Variants in TMPRSS11D observed in about 807,000 individuals in gnomAD.
TMPRSS11D encodes the protein transmembrane protease serine 11D.
A neutral mutation model predicts 44.4 loss-of-function variants in TMPRSS11D; 32 were observed. The ratio of observed to expected loss-of-function variants is 0.72; its 90% CI spans 0.54 to 0.97. TMPRSS11D has a LOEUF of 0.97. Among genes scored for constraint, TMPRSS11D ranks in the 50% least tolerant of loss-of-function variants. The pLI, the probability that TMPRSS11D is intolerant of heterozygous loss-of-function variation, is 0.00. For missense variants in TMPRSS11D, 446 were observed against 502.6 expected (o/e 0.89, Z 1.08); for synonymous variants, 179 against 177.9 (o/e 1.01, Z -0.05).
In TMPRSS11D at chr4:67,838,323, A is replaced by G. The variant is rs138990491; in HGVS notation, c.324T>C (p.Asp108=). ...CAACATCCGCTCTCACACCACTACC[A>G]TCTTGCCTGTAAATCATAAAGATAT... ...IRAHVAKLRQ[D]GSGVRADVVM... The change falls in exon 5 of 10, where the codon GAT becomes GAC. Residue 108 remains aspartate, a synonymous_variant. Coordinates refer to ENST00000283916, the MANE Select transcript of TMPRSS11D (RefSeq NM_004262.3). The G allele has an allele frequency of 6.4e-7, 1 of 1,559,286 alleles. No homozygotes were observed. Among genetic ancestry groups the G allele is most frequent in the African/African-American group, 1.4e-5 (1 of 72,196 alleles).
In TMPRSS11D at chr4:67,828,338, A is replaced by G. The variant is rs190415270; in HGVS notation, c.693-818T>C. Among the ~76,000 whole-genome samples, 141 of 152,230 alleles carry G rather than the reference A, an allele frequency of 9.3e-4. 2 individuals are homozygous for G. In the East Asian group the frequency reaches 0.026, roughly 28 times the overall value. ...GTGAAATTATTTATGCCTTACAAAAAGTTTATGGGGACAGCATCTCCCCCA... is the reference window on the plus strand; with the variant it reads ...GTGAAATTATTTATGCCTTACAAAAGGTTTATGGGGACAGCATCTCCCCCA... On this transcript the variant is annotated intron_variant, in intron 7 of 9. Coordinates refer to ENST00000283916, the MANE Select transcript of TMPRSS11D (RefSeq NM_004262.3).
In TMPRSS11D at chr4:67,825,866, C is replaced by A. The variant is rs1471680501; in HGVS notation, c.961G>T (p.Val321Phe). Residue 321 changes from valine (V) to phenylalanine (F), a missense_variant, in exon 9 of 10, where the codon GTT (valine) becomes TTT (phenylalanine). Coordinates refer to ENST00000283916, the MANE Select transcript of TMPRSS11D (RefSeq NM_004262.3). ...ACCTGTCCTTGCCTTAGCTCTGGAA[C>A]TGTGTGGCCTGTTTGTTATAAAAGC... ...WGAQEYAGHT[V>F]PELRQGQVRI... 21 of 1,609,148 alleles carry A rather than the reference C, an allele frequency of 1.3e-5. No homozygotes were observed. The highest frequency in any genetic ancestry group is 1.6e-5 in the Non-Finnish European group (19 of 1,176,996).
chr4:67,852,970 G>T (rs1457572806), intron 3 of TMPRSS11D, among the ~76,000 whole-genome samples: 1 of 152,174 alleles, frequency 6.6e-6, no homozygotes, highest in Admixed American at 6.5e-5. Context: ...ATTTTGTGGC[G>T]AGGTGATGTG....
At chr4:67,840,509 A>T (rs909750416) in intron 4 of TMPRSS11D, among the ~76,000 whole-genome samples, 1 of 152,212 alleles carries the variant, frequency 6.6e-6, no homozygotes, top group African/African-American at 2.4e-5. Context: ...CAGACAAGTG[A>T]CTGTATTTGA....
At position 67,833,270 on chromosome 4, in the gene TMPRSS11D, G is replaced by T. The variant is rs1166994780; in HGVS notation, c.626C>A (p.Ala209Asp). Reference sequence around the variant, plus strand: ...GATCAGGCTGCCTCCACAGTGGTGGGCATTATTGAGCCGCAGACTGACTTG... The same window carrying T: ...GATCAGGCTGCCTCCACAGTGGTGGTCATTATTGAGCCGCAGACTGACTTG... ...PWQVSLRLNN[A>D]HHCGGSLINN... is the part of the protein sequence containing the mutation. Residue 209 changes from alanine (A) to aspartate (D), a missense_variant, in exon 7 of 10, where the codon GCC becomes GAC. By Grantham distance (126) the Ala-to-Asp change is moderately radical. Coordinates refer to ENST00000283916, the MANE Select transcript of TMPRSS11D (RefSeq NM_004262.3). 1 of 1,597,592 alleles carries T rather than the reference G, an allele frequency of 6.3e-7. No homozygotes were observed. The highest frequency in any genetic ancestry group is 2.3e-5 in the East Asian group (1 of 43,542).
chr4:67,824,929 C>T (rs1717755663), intron 9 of TMPRSS11D, among the ~76,000 whole-genome samples: 1 of 152,098 alleles, frequency 6.6e-6, no homozygotes, highest in Non-Finnish European at 1.5e-5. Context: ...CCTATTAAAA[C>T]ATATAACTGC....
chr4:67,830,786 T>G (rs1717925601), intron 7 of TMPRSS11D, among the ~76,000 whole-genome samples: 1 of 152,088 alleles, frequency 6.6e-6, no homozygotes, highest in Admixed American at 6.6e-5. Context: ...TTGGAACCAG[T>G]AACATTTATA....
intron 1 of TMPRSS11D, among the ~76,000 whole-genome samples, chr4:67,876,485 G>C (rs867329464): frequency 6.6e-6 from 1 of 151,712 alleles, no homozygotes; most frequent in Non-Finnish European, 1.5e-5. Context: ...ACATATTCAA[G>C]GTGTACGACA....
chr4:67,880,212 AT>A (rs1204617992), intron 1 of TMPRSS11D, among the ~76,000 whole-genome samples: 1 of 152,210 alleles, frequency 6.6e-6, no homozygotes, highest in Non-Finnish European at 1.5e-5. Context: ...TGGTGATGCT[AT>A]TTTTATTAAT....
Position 67,859,424 on chromosome 4 carries a change from G to T in TMPRSS11D, c.130+133C>A, listed in dbSNP as rs1417544341. 15 of 1,080,230 alleles carry T rather than the reference G, an allele frequency of 1.4e-5. No homozygotes were observed. In the South Asian group the frequency reaches 1.8e-4, roughly 13 times the overall value. The allele number at this position is 1,080,230 out of a possible 1,614,324, so 66.9% of individuals were successfully genotyped here. ...CAGATATGCATCTATATTTGGGGAA[G>T]AATTATAAGTAAGATATATAATCAC... On this transcript the variant is annotated intron_variant, in intron 2 of 9. Transcript: ENST00000283916.
intron 3 of TMPRSS11D, 129 bp downstream of exon 3, chr4:67,853,939 C>T: frequency 3.7e-6 from 2 of 541,420 alleles, no homozygotes; most frequent in Non-Finnish European, 6.4e-6. Context: ...GAGAGAAACA[C>T]ATGTTTCACC....
At chr4:67,829,482 G>A (rs554090135) in intron 7 of TMPRSS11D, among the ~76,000 whole-genome samples, 1 of 149,684 alleles carries the variant, frequency 6.7e-6, no homozygotes, top group Admixed American at 6.7e-5. Flanking sequence ...TTATGACCTA[G>A]GAATGGGGAC....
chr4:67,850,232 A>G (rs968130728), intron 3 of TMPRSS11D, among the ~76,000 whole-genome samples: 5 of 152,188 alleles, frequency 3.3e-5, no homozygotes, highest in African/African-American at 1.2e-4. Flanking sequence ...TATTTAACAC[A>G]CTTAGTGTTT....
At chr4:67,844,638 G>A (rs531613515) in intron 3 of TMPRSS11D, among the ~76,000 whole-genome samples, 1 of 152,116 alleles carries the variant, frequency 6.6e-6, no homozygotes, top group South Asian at 2.1e-4. Flanking sequence ...AATTAGCCAG[G>A]TGTGGTGGCA....
chr4:67,867,415 C>T (rs899952459), intron 1 of TMPRSS11D, among the ~76,000 whole-genome samples: 1 of 151,818 alleles, frequency 6.6e-6, no homozygotes, highest in Non-Finnish European at 1.5e-5. Flanking sequence ...TGGACATTAA[C>T]CTAGGCAAAG....
chr4:67,837,409 C>T (rs1718118493), intron 5 of TMPRSS11D, among the ~76,000 whole-genome samples: 1 of 152,086 alleles, frequency 6.6e-6, no homozygotes, highest in Non-Finnish European at 1.5e-5. Flanking sequence ...GGGCCTGATG[C>T]AGTAATTGTT....
At chr4:67,830,089 G>C (rs1222776275) in intron 7 of TMPRSS11D, among the ~76,000 whole-genome samples, 22 of 152,030 alleles carry the variant, frequency 1.4e-4, no homozygotes. Context: ...GCATACCATG[G>C]GGTGCTATGC....
chr4:67,842,467 G>T (rs928218081), intron 4 of TMPRSS11D, 91 bp downstream of exon 4: 3 of 1,153,940 alleles, frequency 2.6e-6, no homozygotes, highest in Non-Finnish European at 3.9e-6. Context: ...CAACTTATCT[G>T]AACATGTCAT....
intron 1 of TMPRSS11D, among the ~76,000 whole-genome samples, chr4:67,880,502 A>G (rs1038555934): frequency 2.6e-5 from 4 of 152,186 alleles, no homozygotes; most frequent in Non-Finnish European, 5.9e-5. Context: ...TAGAGAAGGA[A>G]ACATTACATC....
Sources: allele counts gnomAD v4.1 joint callset (sites outside exome capture counted in the v4.1 genomes callset), GRCh38; gene constraint gnomAD v4.1.1; transcripts MANE v1.5; gene names NCBI Gene and HGNC (gene_info 2026-07-23, HGNC 2026-07-21).